The following USP32 variants were observed in gnomAD, a reference collection of about 807,000 sequenced individuals.
USP32 encodes ubiquitin carboxyl-terminal hydrolase 32.
Under a neutral mutation model 204.8 loss-of-function variants are expected in USP32, and 59 were observed. That is an observed-to-expected ratio of 0.29 (90% CI 0.23 to 0.36). USP32 has a LOEUF of 0.36. Among genes scored for constraint, USP32 ranks in the 10% least tolerant of loss-of-function variants. USP32 has a pLI of 1.00. For missense variants in USP32, 1,160 were observed against 1,946.4 expected (o/e 0.60, Z 7.60); for synonymous variants, 517 against 678.4 (o/e 0.76, Z 3.70).
chr17:60,394,521 T>C (rs765295042), upstream of USP32, among the ~76,000 whole-genome samples: 7 of 152,160 alleles, frequency 4.6e-5, no homozygotes, highest in African/African-American at 1.2e-4. Context: ...CATGAGATGG[T>C]AAATGATTTA....
intron 1 of USP32, among the ~76,000 whole-genome samples, chr17:60,350,607 TA>T (rs1426535040): frequency 6.6e-6 from 1 of 152,168 alleles, no homozygotes; most frequent in Non-Finnish European, 1.5e-5. Flanking sequence ...GTAAATTTTT[TA>T]AATAAGAAAA....
chr17:60,410,686 G>A (rs910821433), intron 1 of USP32, among the ~76,000 whole-genome samples: 2 of 151,864 alleles, frequency 1.3e-5, no homozygotes, highest in African/African-American at 4.8e-5. Context: ...AATAAAGAAA[G>A]AAAGAACTAG....
intron 2 of USP32, among the ~76,000 whole-genome samples, chr17:60,334,150 C>T (rs544124862): frequency 1.3e-5 from 2 of 152,236 alleles, no homozygotes; most frequent in South Asian, 4.1e-4. Flanking sequence ...AAAAAAGCAA[C>T]AAGAGGTGGC....
chr17:60,334,821 C>T (rs1049036736), intron 2 of USP32, among the ~76,000 whole-genome samples: 1 of 143,460 alleles, frequency 7.0e-6, no homozygotes, highest in Non-Finnish European at 1.5e-5. Flanking sequence ...CTGTGTCTAG[C>T]TTTAGCAGCT....
intron 29 of USP32, among the ~76,000 whole-genome samples, chr17:60,187,662 G>A (rs1204894869): frequency 6.6e-6 from 1 of 152,210 alleles, no homozygotes; most frequent in African/African-American, 2.4e-5. Context: ...GTGGAACACA[G>A]GCTACAGTGC....
chr17:60,277,613 T>C (rs1334645489), intron 5 of USP32, among the ~76,000 whole-genome samples: 1 of 152,226 alleles, frequency 6.6e-6, no homozygotes, highest in South Asian at 2.1e-4. Context: ...AAATAAATGC[T>C]AAAACAGATA....
chr17:60,397,228 A>G (rs747521826), intron 1 of USP32, among the ~76,000 whole-genome samples: 4 of 152,264 alleles, frequency 2.6e-5, no homozygotes, highest in Non-Finnish European at 4.4e-5. Context: ...AACTTTGTCA[A>G]GTCACCTAAG....
intron 19 of USP32, 134 bp from the exon 20 acceptor site, chr17:60,211,648 G>A (rs1382647295): frequency 2.2e-6 from 3 of 1,359,428 alleles, no homozygotes; most frequent in Non-Finnish European, 2.9e-6. Context: ...TCTCTAGCAG[G>A]TCTCTGAAAT....
intron 2 of USP32, among the ~76,000 whole-genome samples, chr17:60,319,988 C>A (rs2088075773): frequency 6.6e-6 from 1 of 152,112 alleles, no homozygotes; most frequent in African/African-American, 2.4e-5. Flanking sequence ...CAATCCCCAA[C>A]AGACACCAAG....
chr17:60,380,811 G>A (rs1326079910), intron 1 of USP32, among the ~76,000 whole-genome samples: 1 of 152,042 alleles, frequency 6.6e-6, no homozygotes, highest in East Asian at 1.9e-4. Flanking sequence ...TCAAACCAAG[G>A]CTCACCTTCA....
At chr17:60,393,081 C>G (rs1667755619), upstream of USP32, among the ~76,000 whole-genome samples, 4 of 152,200 alleles carry the variant, frequency 2.6e-5, no homozygotes, top group South Asian at 8.3e-4. Context: ...CGTTTTTCAT[C>G]TTGCAAAAGG....
chr17:60,233,442 A>G (rs1003256989), intron 12 of USP32, among the ~76,000 whole-genome samples: 4 of 152,174 alleles, frequency 2.6e-5, no homozygotes, highest in Non-Finnish European at 4.4e-5. Context: ...CCTGGGCAAC[A>G]AAGGAAGATC....
At chr17:60,297,546 T>G (rs900651888) in intron 3 of USP32, among the ~76,000 whole-genome samples, 1 of 151,992 alleles carries the variant, frequency 6.6e-6, no homozygotes, top group African/African-American at 2.4e-5. Context: ...CCTCCTGGAT[T>G]CAAGCAATTC....
intron 12 of USP32, among the ~76,000 whole-genome samples, chr17:60,232,538 G>T (rs71373844): frequency 7.1e-6 from 1 of 141,038 alleles, no homozygotes; most frequent in Non-Finnish European, 1.5e-5. Context: ...ACTGGAAAGA[G>T]AAATTTGATT....
At chr17:60,302,705 C>T (rs2145894695) in intron 2 of USP32, among the ~76,000 whole-genome samples, 1 of 152,304 alleles carries the variant, frequency 6.6e-6, no homozygotes, top group South Asian at 2.1e-4. Context: ...TGTGCAATTA[C>T]ACAACTTCCT....
intron 29 of USP32, among the ~76,000 whole-genome samples, chr17:60,186,414 G>A (rs1332215197): frequency 6.6e-6 from 1 of 152,152 alleles, no homozygotes; most frequent in Non-Finnish European, 1.5e-5. Flanking sequence ...TGAAATAAGG[G>A]CACAGAAAAG....
At chr17:60,237,233 T>G (rs2085754708) in intron 11 of USP32, among the ~76,000 whole-genome samples, 1 of 151,814 alleles carries the variant, frequency 6.6e-6, no homozygotes, top group South Asian at 2.1e-4. Context: ...CTTGACCTCC[T>G]GGGCTCAAGC....
chr17:60,349,601 ATATATATATATATATATATATATT>A (rs1160672270), intron 1 of USP32, among the ~76,000 whole-genome samples: 26 of 43,008 alleles, frequency 6.0e-4, no homozygotes, highest in East Asian at 2.5e-3. Flanking sequence ...AAAAAAATAT[ATATATATATATATATATATATATT>A]ATATATATAT....
intron 5 of USP32, among the ~76,000 whole-genome samples, chr17:60,283,950 T>C (rs988506527): frequency 2.6e-5 from 4 of 152,072 alleles, no homozygotes; most frequent in Non-Finnish European, 5.9e-5. Flanking sequence ...ATAACTTTTA[T>C]TTTAAAAGTA....
Sources: allele counts gnomAD v4.1 joint callset (sites outside exome capture counted in the v4.1 genomes callset), GRCh38; gene constraint gnomAD v4.1.1; transcripts MANE v1.5; gene names NCBI Gene and HGNC (gene_info 2026-07-23, HGNC 2026-07-21).